Variants in UNC80 observed in about 807,000 individuals in gnomAD.
UNC80 encodes protein unc-80 homolog.
UNC80 carries 164 observed loss-of-function variants against 384.6 expected under a neutral mutation model. The ratio of observed to expected loss-of-function variants is 0.43; its 90% CI spans 0.38 to 0.49. The LOEUF (loss-of-function observed/expected upper bound fraction) is 0.49, where lower values mean the gene tolerates loss of function less well. UNC80 is among the 20% of genes least tolerant of loss of function. UNC80 has a pLI of 0.00. For synonymous variants in UNC80, 1,486 were observed against 1,527.8 expected, an observed-to-expected ratio of 0.97 and a Z score of 0.64; for missense variants, 3,330 against 4,143.0, an observed-to-expected ratio of 0.80 and a Z score of 5.39.
At chr2:209,779,965 A>C (rs1034617543) in intron 4 of UNC80, among the ~76,000 whole-genome samples, 2 of 152,232 alleles carry the variant, frequency 1.3e-5, no homozygotes, top group African/African-American at 4.8e-5. Context: ...ACATTGAGCA[A>C]ATAATTTATA....
At chr2:209,916,796 C>T (rs959300486) in intron 31 of UNC80, among the ~76,000 whole-genome samples, 1 of 152,202 alleles carries the variant, frequency 6.6e-6, no homozygotes, top group South Asian at 2.1e-4. Context: ...GATGCCCTTC[C>T]CATTACAACT....
At position 209,999,282 on chromosome 2, in the gene UNC80, T is replaced by C. The variant is rs1398797006; in HGVS notation, c.*3687T>C. 1 of 152,234 alleles carries C rather than the reference T, an allele frequency of 6.6e-6. No homozygotes were observed. Among genetic ancestry groups the C allele is most frequent in the African/African-American group, 2.4e-5 (1 of 41,468 alleles). The allele number at this position is 152,234 out of a possible 1,614,324, so 9.4% of individuals were successfully genotyped here. A position where few individuals can be genotyped will look rare whatever the true frequency, so the allele number is the denominator to read the frequency against. ...AGGTATGCACATATGATAAAATAAA[T>C]CTAAAAACATTAAAGATGCCTAAGT... On this transcript the variant is annotated 3_prime_UTR_variant, in exon 65 of 65. Coordinates refer to ENST00000673920, the MANE Select transcript of UNC80 (RefSeq NM_001371986.1).
At chr2:209,950,712 C>T (rs2092135038) in intron 47 of UNC80, among the ~76,000 whole-genome samples, 1 of 152,118 alleles carries the variant, frequency 6.6e-6, no homozygotes, top group African/African-American at 2.4e-5. Flanking sequence ...GCATGTGCCA[C>T]CACACCTGGC....
At chr2:209,812,311 C>T (rs1304436453) in intron 7 of UNC80, among the ~76,000 whole-genome samples, 1 of 151,814 alleles carries the variant, frequency 6.6e-6, no homozygotes. Flanking sequence ...CCGTCCGCCT[C>T]GGCCTCCCAA....
At chr2:209,953,659 AT>A (rs887276426) in intron 47 of UNC80, among the ~76,000 whole-genome samples, 1 of 151,808 alleles carries the variant, frequency 6.6e-6, no homozygotes, top group Admixed American at 6.6e-5. Flanking sequence ...GTTGCTATTT[AT>A]TTTTTTAAGT....
intron 39 of UNC80, among the ~76,000 whole-genome samples, chr2:209,934,748 G>A (rs570206995): frequency 6.6e-6 from 1 of 152,158 alleles, no homozygotes; most frequent in South Asian, 2.1e-4. Flanking sequence ...TATAAAATAG[G>A]GATATAATTC....
At chr2:209,858,359 T>C (rs13386372) in intron 22 of UNC80, among the ~76,000 whole-genome samples, 39,578 of 152,014 alleles carry the variant, frequency 0.26, 5,783 homozygotes, top group East Asian at 0.38. Flanking sequence ...TTTTTGCCAA[T>C]CCTTTACTTT....
At chr2:209,899,628 C>T (rs1447131782) in intron 28 of UNC80, among the ~76,000 whole-genome samples, 4 of 152,090 alleles carry the variant, frequency 2.6e-5, no homozygotes, top group African/African-American at 9.7e-5. Flanking sequence ...TGGACTATTT[C>T]TAGCCTGTCC....
chr2:209,777,192 T>C, intron 3 of UNC80, 66 bp from the exon 4 acceptor site: 2 of 1,469,746 alleles, frequency 1.4e-6, no homozygotes, highest in Non-Finnish European at 1.8e-6. Flanking sequence ...CCCAGACCCA[T>C]TGTTGACATC....
At chr2:209,809,149 G>T in intron 7 of UNC80, 1 of 598,512 alleles carries the variant, frequency 1.7e-6, no homozygotes, top group East Asian at 3.0e-5. Context: ...TTCTTCCTTG[G>T]AGGCGGAGGC....
chr2:209,930,058 C>T, intron 37 of UNC80, 87 bp downstream of exon 37: 1 of 743,640 alleles, frequency 1.3e-6, no homozygotes, highest in Non-Finnish European at 2.0e-6. Context: ...TAGTGCAGTG[C>T]ATGCAACTCA....
intron 48 of UNC80, among the ~76,000 whole-genome samples, 156 bp from the exon 49 acceptor site, chr2:209,957,488 A>G (rs566752348): frequency 6.6e-6 from 1 of 152,360 alleles, no homozygotes; most frequent in East Asian, 1.9e-4. Context: ...GCCTCTCAGA[A>G]CAAACAGAAA....
At chr2:209,903,011 T>G (rs1191086261) in intron 28 of UNC80, among the ~76,000 whole-genome samples, 1 of 150,264 alleles carries the variant, frequency 6.7e-6, no homozygotes, top group Non-Finnish European at 1.5e-5. Flanking sequence ...GATACACAGA[T>G]GAGCAAGCCC....
chr2:209,969,555 T>C (rs892048950), intron 52 of UNC80: 7 of 554,544 alleles, frequency 1.3e-5, no homozygotes, highest in African/African-American at 3.8e-5. Flanking sequence ...TTTTCTTCAA[T>C]AGATTTAGTC....
At chr2:209,899,072 C>T (rs1354127519) in intron 28 of UNC80, among the ~76,000 whole-genome samples, 1 of 152,148 alleles carries the variant, frequency 6.6e-6, no homozygotes, top group East Asian at 1.9e-4. Flanking sequence ...AACAGTGCCA[C>T]AACAAACATG....
chr2:209,784,408 A>G (rs2153825108), intron 4 of UNC80, among the ~76,000 whole-genome samples: 1 of 152,232 alleles, frequency 6.6e-6, no homozygotes, highest in Non-Finnish European at 1.5e-5. Flanking sequence ...CCTATCAGGC[A>G]GTATATTATT....
At chr2:209,960,355 T>C (rs748396495) in intron 51 of UNC80, among the ~76,000 whole-genome samples, 16 of 152,214 alleles carry the variant, frequency 1.1e-4, no homozygotes, top group Non-Finnish European at 2.1e-4. Flanking sequence ...TTCGTCTTCC[T>C]ACAGAGATGC....
At chr2:209,959,310 A>C (rs567086302) in intron 50 of UNC80, among the ~76,000 whole-genome samples, 156 bp downstream of exon 50, 1 of 152,206 alleles carries the variant, frequency 6.6e-6, no homozygotes, top group Non-Finnish European at 1.5e-5. Flanking sequence ...TTGGGATGAC[A>C]GTCTCTTCTA....
intron 22 of UNC80, among the ~76,000 whole-genome samples, chr2:209,855,310 G>A (rs1381360388): frequency 6.6e-6 from 1 of 152,118 alleles, no homozygotes; most frequent in Non-Finnish European, 1.5e-5. Context: ...CAGGGTTAGG[G>A]GGGCAGGGGA....
Sources: gnomAD v4.1 joint callset for allele counts (sites outside exome capture counted in the v4.1 genomes callset) on GRCh38, gnomAD v4.1.1 for gene constraint, MANE v1.5 for transcripts, NCBI Gene and HGNC (gene_info 2026-07-23, HGNC 2026-07-21) for gene names.